The following CPED1 variants were observed in gnomAD, a reference collection of about 807,000 sequenced individuals.
The protein encoded by CPED1 is cadherin like and PC-esterase domain containing 1, also known as cadherin-like and PC-esterase domain-containing protein 1.
In CPED1, 114 loss-of-function variants were observed where a neutral mutation model predicts 128.2. The ratio of observed to expected loss-of-function variants is 0.89; its 90% CI spans 0.76 to 1.04. The LOEUF is 1.04. Among genes scored for constraint, CPED1 ranks in the 50% least tolerant of loss-of-function variants. The pLI is 0.00. For missense variants in CPED1, 1,211 were observed against 1,207.1 expected (o/e 1.00, Z -0.05); for synonymous variants, 462 against 426.7 (o/e 1.08, Z -1.02).
At chr7:121,011,668 C>T (rs899802380) in intron 2 of CPED1, among the ~76,000 whole-genome samples, 1 of 151,746 alleles carries the variant, frequency 6.6e-6, no homozygotes, top group Non-Finnish European at 1.5e-5. Context: ...TATGGAGAGA[C>T]AGAAAATAAA....
At chr7:121,068,572 G>T (rs1278054051) in intron 5 of CPED1, among the ~76,000 whole-genome samples, 2 of 151,562 alleles carry the variant, frequency 1.3e-5, no homozygotes, top group Non-Finnish European at 2.9e-5. Flanking sequence ...TTGTTCTTTT[G>T]GCTTAGGATT....
intron 2 of CPED1, among the ~76,000 whole-genome samples, chr7:121,005,389 C>T (rs1308318166): frequency 6.6e-6 from 1 of 151,918 alleles, no homozygotes. Context: ...GCAATAAACA[C>T]ATGTGCATGT....
rs543269908 is a variant in CPED1 at position 121,091,174 on chromosome 7, T to TG, written c.617-6524dup. Reference sequence around the variant, plus strand: ...GAAGAGACTTAAATACTGCAGTAACTGAAAAAAAAAATTGCAGTAACTGAC... The same window carrying TG: ...GAAGAGACTTAAATACTGCAGTAACTGGAAAAAAAAAATTGCAGTAACTGAC... On this transcript the variant is annotated intron_variant, in intron 5 of 22. Transcript: ENST00000310396. Among the ~76,000 whole-genome samples the TG allele has an allele frequency of 2.1e-3, 262 of 123,500 alleles. 1 individual carries two copies. Among genetic ancestry groups the TG allele is most frequent in the African/African-American group, 6.6e-3 (251 of 37,958 alleles). 81.0% of individuals were successfully genotyped at this position (123,500 alleles called of 152,430 possible).
intron 2 of CPED1, among the ~76,000 whole-genome samples, chr7:121,012,533 A>G (rs917941815): frequency 1.3e-5 from 2 of 152,236 alleles, no homozygotes; most frequent in African/African-American, 4.8e-5. Flanking sequence ...AAGTGCTGCT[A>G]TTAGCATTTG....
intron 18 of CPED1, among the ~76,000 whole-genome samples, chr7:121,249,949 C>T (rs1273644626): frequency 6.6e-6 from 1 of 152,172 alleles, no homozygotes; most frequent in African/African-American, 2.4e-5. Context: ...AGGAATTGAA[C>T]TCAGCTCTGC....
At chr7:121,292,566 G>C (rs1792729702) in intron 22 of CPED1, among the ~76,000 whole-genome samples, 1 of 151,966 alleles carries the variant, frequency 6.6e-6, no homozygotes, top group East Asian at 1.9e-4. Flanking sequence ...TTGCTGGCGA[G>C]GAGTTGCGAT....
chr7:121,180,714 C>G (rs1490584914), intron 16 of CPED1, among the ~76,000 whole-genome samples: 2 of 151,954 alleles, frequency 1.3e-5, no homozygotes, highest in East Asian at 3.9e-4. Flanking sequence ...TAAATGCACC[C>G]TTTATGACAG....
At chr7:121,219,089 A>G (rs1216377394) in intron 16 of CPED1, among the ~76,000 whole-genome samples, 1 of 152,080 alleles carries the variant, frequency 6.6e-6, no homozygotes, top group Non-Finnish European at 1.5e-5. Flanking sequence ...TTTGTTCACA[A>G]GTCAAAAAGA....
At position 121,014,368 on chromosome 7, in the gene CPED1, A is replaced by C. The variant is rs901673101; in HGVS notation, c.250-1297A>C. Among the ~76,000 whole-genome samples, 5 of 151,914 alleles carry C rather than the reference A, an allele frequency of 3.3e-5. 1 individual carries two copies. In the South Asian group the frequency reaches 6.2e-4, roughly 19 times the overall value. ...GAGATCAAGACCATCCTGGCTAACAAGGTGAAACCCCATCTCTACTAAAAA... is the reference window on the plus strand; with the variant it reads ...GAGATCAAGACCATCCTGGCTAACACGGTGAAACCCCATCTCTACTAAAAA... On this transcript the variant is annotated intron_variant, in intron 2 of 22. Transcript: ENST00000310396.
At chr7:121,013,990 C>T (rs1018290317) in intron 2 of CPED1, among the ~76,000 whole-genome samples, 1 of 152,056 alleles carries the variant, frequency 6.6e-6, no homozygotes, top group Non-Finnish European at 1.5e-5. Flanking sequence ...GGCTGATATG[C>T]GAAAAATGTA....
intron 11 of CPED1, among the ~76,000 whole-genome samples, chr7:121,129,496 C>T (rs1795610269): frequency 6.6e-6 from 1 of 151,150 alleles, no homozygotes; most frequent in African/African-American, 2.4e-5. Context: ...GGCACAATAT[C>T]ATTTTAACTA....
chr7:121,020,707 A>G lies in CPED1; in HGVS notation c.433+4859A>G, dbSNP rs140237492. On this transcript the variant is annotated intron_variant, in intron 3 of 22. Transcript: ENST00000310396. The stretch of plus-strand genomic sequence containing the variant: ...AAACTGGTTATTCCACTTAGCTACT[A>G]TAATTTAGGCTTAGTTTTGTCTGTG... Among the ~76,000 whole-genome samples the G allele has an allele frequency of 2.3e-3, 343 of 152,090 alleles. 3 individuals carry two copies. Among genetic ancestry groups the G allele is most frequent in the African/African-American group, 7.8e-3 (325 of 41,554 alleles).
chr7:121,104,796 C>G (rs1387469360), intron 7 of CPED1, among the ~76,000 whole-genome samples: 2 of 152,066 alleles, frequency 1.3e-5, no homozygotes, highest in Admixed American at 6.6e-5. Context: ...AAAATTTTAA[C>G]TGCATGAAGA....
At chr7:121,170,954 G>A (rs1172981197) in intron 16 of CPED1, among the ~76,000 whole-genome samples, 1 of 151,940 alleles carries the variant, frequency 6.6e-6, no homozygotes, top group Admixed American at 6.6e-5. Context: ...GGAGGCTGAG[G>A]CAAGAGAATC....
intron 16 of CPED1, among the ~76,000 whole-genome samples, chr7:121,190,837 A>G (rs548554275): frequency 6.6e-6 from 1 of 152,156 alleles, no homozygotes; most frequent in Non-Finnish European, 1.5e-5. Context: ...TACCACATTT[A>G]GCAAACACAT....
At chr7:121,021,222 T>C (rs1256447981) in intron 3 of CPED1, among the ~76,000 whole-genome samples, 1 of 151,966 alleles carries the variant, frequency 6.6e-6, no homozygotes, top group Non-Finnish European at 1.5e-5. Flanking sequence ...GAGCAAGAGA[T>C]ACAGATCACT....
chr7:121,117,292 G>T (rs944057443), intron 7 of CPED1, among the ~76,000 whole-genome samples: 1 of 151,424 alleles, frequency 6.6e-6, no homozygotes, highest in African/African-American at 2.4e-5. Flanking sequence ...GTTGAGACGG[G>T]GTTTTGCCAT....
intron 2 of CPED1, among the ~76,000 whole-genome samples, chr7:121,003,127 C>T (rs1299939730): frequency 2.0e-5 from 3 of 152,130 alleles, no homozygotes; most frequent in African/African-American, 7.2e-5. Context: ...TCCTTGAATT[C>T]TTCTTTCGTA....
chr7:121,284,598 G>T (rs1792527949), intron 22 of CPED1, among the ~76,000 whole-genome samples: 1 of 152,124 alleles, frequency 6.6e-6, no homozygotes, highest in African/African-American at 2.4e-5. Flanking sequence ...TTCCAAAGGG[G>T]ATAAATTGGC....
Sources: gnomAD v4.1 joint callset for allele counts (sites outside exome capture counted in the v4.1 genomes callset) on GRCh38, gnomAD v4.1.1 for gene constraint, MANE v1.5 for transcripts, NCBI Gene and HGNC (gene_info 2026-07-23, HGNC 2026-07-21) for gene names.